VAT1L: variants seen among roughly 807,000 people sequenced by gnomAD.
VAT1L encodes vesicle amine transport 1 like, also known as putative NADPH-dependent quinone oxidoreductase VAT1L.
In VAT1L, 34 loss-of-function variants were observed where a neutral mutation model predicts 44.1. The observed-to-expected ratio is 0.77, with a 90% CI of 0.59 to 1.03. VAT1L has a LOEUF of 1.03. VAT1L is among the 50% of genes least tolerant of loss of function. The pLI, the probability that VAT1L is intolerant of heterozygous loss-of-function variation, is 0.00. For missense variants in VAT1L, 615 were observed against 538.8 expected, an observed-to-expected ratio of 1.14 and a Z score of -1.40; for synonymous variants, 253 against 202.2, an observed-to-expected ratio of 1.25 and a Z score of -2.13.
intron 7 of VAT1L, among the ~76,000 whole-genome samples, chr16:77,930,093 C>T (rs561266086): frequency 6.6e-6 from 1 of 152,208 alleles, no homozygotes; most frequent in Non-Finnish European, 1.5e-5. Flanking sequence ...ACCTTCCAGC[C>T]CAAACTTCGT....
chr16:77,851,124 C>T (rs960844618), intron 3 of VAT1L, among the ~76,000 whole-genome samples: 1 of 152,228 alleles, frequency 6.6e-6, no homozygotes, highest in African/African-American at 2.4e-5. Context: ...TGGCCACACT[C>T]TAGTTGCTAG....
chr16:77,911,024 T>C (rs1207210460), intron 7 of VAT1L, among the ~76,000 whole-genome samples: 1 of 152,204 alleles, frequency 6.6e-6, no homozygotes, highest in African/African-American at 2.4e-5. Flanking sequence ...CCATGCAACC[T>C]TGCTTGTAAC....
intron 7 of VAT1L, among the ~76,000 whole-genome samples, chr16:77,921,747 CT>C (rs1394414882): frequency 1.3e-5 from 2 of 152,136 alleles, no homozygotes; most frequent in South Asian, 2.1e-4. Context: ...AACTTGTACA[CT>C]TTTTTTTCTT....
At chr16:77,963,824 G>A (rs1224296352) in intron 7 of VAT1L, among the ~76,000 whole-genome samples, 1 of 152,156 alleles carries the variant, frequency 6.6e-6, no homozygotes. Context: ...TCACTTCTCT[G>A]TGATACTTCC....
chr16:77,827,096 A>G (rs2016531370), intron 3 of VAT1L, among the ~76,000 whole-genome samples: 1 of 152,234 alleles, frequency 6.6e-6, no homozygotes, highest in South Asian at 2.1e-4. Context: ...AATATCTTCA[A>G]TCATTTTAGC....
intron 7 of VAT1L, among the ~76,000 whole-genome samples, chr16:77,908,340 T>C (rs1459233925): frequency 6.6e-6 from 1 of 151,610 alleles, no homozygotes; most frequent in African/African-American, 2.4e-5. Context: ...TGAGTGCCTG[T>C]AATCCCTGCT....
At position 77,978,614 on chromosome 16, in the gene VAT1L, A is replaced by G. The variant is rs1014552487; in HGVS notation, c.*919A>G. ...ATTTCCCAAAGAAGAGTTCCTTTGCAGACCATAGGTGGAAAAGTCAATGAG... is the reference window on the plus strand; with the variant it reads ...ATTTCCCAAAGAAGAGTTCCTTTGCGGACCATAGGTGGAAAAGTCAATGAG... On this transcript the variant is annotated 3_prime_UTR_variant, in exon 9 of 9. Coordinates refer to ENST00000302536, the MANE Select transcript of VAT1L (RefSeq NM_020927.3). The G allele has an allele frequency of 2.0e-5, 3 of 152,352 alleles. No individual in the cohort carries two copies. Among genetic ancestry groups the G allele is most frequent in the African/African-American group, 7.2e-5 (3 of 41,588 alleles). 9.4% of individuals were successfully genotyped at this position (152,352 alleles called of 1,614,324 possible).
In VAT1L at chr16:77,942,600, C is replaced by T. The variant is rs559640348; in HGVS notation, c.1078-29250C>T. 7.2e-5 allele frequency among the ~76,000 whole-genome samples: 11 copies of T among 152,210 alleles called. No homozygotes were observed. In the East Asian group the frequency reaches 2.1e-3, roughly 29 times the overall value. On this transcript the variant is annotated intron_variant, in intron 7 of 8. Transcript: ENST00000302536. Reference sequence around the variant, plus strand: ...ACAGAAATCTTGCATCCATAGTTGCCTCATTTCTCTTTTTCAATTACTGAC... The same window carrying T: ...ACAGAAATCTTGCATCCATAGTTGCTTCATTTCTCTTTTTCAATTACTGAC...
In VAT1L at chr16:77,889,797, T is replaced by C. The variant is rs187205473; in HGVS notation, c.1077+4995T>C. ...AAACAAGAGAGAACAATGTTAAGAG[T>C]GAATGTTAGCCAGGCGCAGTGGCTT... On this transcript the variant is annotated intron_variant, in intron 7 of 8. Coordinates refer to ENST00000302536, the MANE Select transcript of VAT1L (RefSeq NM_020927.3). Among the ~76,000 whole-genome samples, 825 of 152,082 alleles carry C rather than the reference T, an allele frequency of 5.4e-3. 10 individuals are homozygous for C. Among genetic ancestry groups the C allele is most frequent in the African/African-American group, 0.019 (794 of 41,494 alleles).
rs1327622815 is a variant in VAT1L, at chr16:77,789,019, C to T, written c.233+104C>T. Reference sequence around the variant, plus strand: ...GGATGCTGCCCGGGTAGAACCGCCGCGCGCACCCCCTCCGCGCCCTCACCC... The same window carrying T: ...GGATGCTGCCCGGGTAGAACCGCCGTGCGCACCCCCTCCGCGCCCTCACCC... On this transcript the variant is annotated intron_variant, in intron 1 of 8. Transcript: ENST00000302536. 7 of 1,313,064 alleles carry T rather than the reference C, an allele frequency of 5.3e-6. No homozygotes were observed. In the South Asian group the frequency reaches 1.1e-4, roughly 20 times the overall value. 81.3% of individuals were successfully genotyped at this position (1,313,064 alleles called of 1,614,324 possible). A position where few individuals can be genotyped will look rare whatever the true frequency, so the allele number is the denominator to read the frequency against.
rs556762269 is a variant in VAT1L at position 77,915,503 on chromosome 16, T to G, written c.1077+30701T>G. On this transcript the variant is annotated intron_variant, in intron 7 of 8. Coordinates refer to ENST00000302536, the MANE Select transcript of VAT1L (RefSeq NM_020927.3). Reference sequence around the variant, plus strand: ...AGGCAGTATATGACATTGTTTAGTGTAGGGAAATGTCACAGAAGGCCTGTG... The same window carrying G: ...AGGCAGTATATGACATTGTTTAGTGGAGGGAAATGTCACAGAAGGCCTGTG... Among the ~76,000 whole-genome samples, 17 of 152,308 alleles carry G rather than the reference T, an allele frequency of 1.1e-4. No homozygotes were observed. In the South Asian group the frequency reaches 3.3e-3, roughly 30 times the overall value.
chr16:77,911,908 T>C (rs552391510), intron 7 of VAT1L, among the ~76,000 whole-genome samples: 2 of 152,270 alleles, frequency 1.3e-5, no homozygotes, highest in East Asian at 3.9e-4. Context: ...AGGATAGAAA[T>C]AGTTCACTTA....
chr16:77,977,476 G>A, intron 8 of VAT1L, 121 bp from the exon 9 acceptor site: 2 of 952,292 alleles, frequency 2.1e-6, no homozygotes, highest in Non-Finnish European at 1.6e-6. Context: ...TTGCCTTCCA[G>A]GGAAACAAGC....
intron 7 of VAT1L, among the ~76,000 whole-genome samples, chr16:77,922,845 T>G (rs1205429628): frequency 6.6e-6 from 1 of 152,194 alleles, no homozygotes; most frequent in Non-Finnish European, 1.5e-5. Context: ...CATGCCACTC[T>G]CACTGTGCCA....
At chr16:77,934,214 A>C (rs983760740) in intron 7 of VAT1L, among the ~76,000 whole-genome samples, 1 of 152,070 alleles carries the variant, frequency 6.6e-6, no homozygotes, top group Admixed American at 6.6e-5. Context: ...GATTGGACGT[A>C]AAGATTGAGG....
chr16:77,834,890 G>A (rs944554578), intron 3 of VAT1L, among the ~76,000 whole-genome samples: 18 of 152,148 alleles, frequency 1.2e-4, no homozygotes, highest in Non-Finnish European at 1.8e-4. Context: ...TCACGTCATC[G>A]GAATAATAAC....
At chr16:77,791,931 C>T (rs556954248) in intron 1 of VAT1L, among the ~76,000 whole-genome samples, 3 of 152,218 alleles carry the variant, frequency 2.0e-5, no homozygotes, top group East Asian at 3.9e-4. Context: ...GAATACTTTA[C>T]GCAACAAGAG....
chr16:77,799,504 GGTGTGTGT>G (rs10525414), intron 1 of VAT1L, among the ~76,000 whole-genome samples: 13,265 of 140,714 alleles, frequency 0.094, 717 homozygotes, highest in East Asian at 0.16. Flanking sequence ...TGGAATACAT[GGTGTGTGT>G]GTGTGTGTGT....
intron 3 of VAT1L, among the ~76,000 whole-genome samples, chr16:77,847,499 T>C (rs1422215300): frequency 6.6e-6 from 1 of 152,226 alleles, no homozygotes; most frequent in Non-Finnish European, 1.5e-5. Context: ...ATTTCATTTT[T>C]GGTACAACTG....
Sources: gnomAD v4.1 joint callset for allele counts (sites outside exome capture counted in the v4.1 genomes callset) on GRCh38, gnomAD v4.1.1 for gene constraint, MANE v1.5 for transcripts, NCBI Gene and HGNC (gene_info 2026-07-23, HGNC 2026-07-21) for gene names.